The following TAFA1 variants were observed in gnomAD, a reference collection of about 807,000 sequenced individuals.
TAFA1 encodes TAFA chemokine like family member 1, also known as chemokine-like protein TAFA-1.
TAFA1 carries 4 observed loss-of-function variants against 18.5 expected under a neutral mutation model. The observed-to-expected ratio is 0.22, with a 90% CI of 0.11 to 0.49. TAFA1 has a LOEUF of 0.49. Among genes scored for constraint, TAFA1 ranks in the 20% least tolerant of loss-of-function variants. The pLI is 0.98. For synonymous variants in TAFA1, 56 were observed against 55.2 expected (o/e 1.01, Z -0.06); for missense variants, 147 against 169.0 (o/e 0.87, Z 0.72).
intron 3 of TAFA1, among the ~76,000 whole-genome samples, chr3:68,521,614 G>T (rs2073022244): frequency 6.6e-6 from 1 of 152,116 alleles, no homozygotes; most frequent in South Asian, 2.1e-4. Flanking sequence ...CAAGAAATTT[G>T]TACAGTATCA....
chr3:68,478,352 G>A (rs1341138684), intron 3 of TAFA1, among the ~76,000 whole-genome samples: 1 of 152,144 alleles, frequency 6.6e-6, no homozygotes, highest in Non-Finnish European at 1.5e-5. Context: ...AGATCTGGAA[G>A]ACTTTCAGCA....
At chr3:68,492,162 A>G (rs2072465990) in intron 3 of TAFA1, among the ~76,000 whole-genome samples, 1 of 152,168 alleles carries the variant, frequency 6.6e-6, no homozygotes. Flanking sequence ...CTATATGGAG[A>G]CTGGTCCTTG....
intron 2 of TAFA1, among the ~76,000 whole-genome samples, chr3:68,406,617 A>G (rs2070615343): frequency 6.6e-6 from 1 of 152,138 alleles, no homozygotes; most frequent in African/African-American, 2.4e-5. Flanking sequence ...ATTAATTTGG[A>G]ATGTATTGAA....
chr3:68,328,791 A>T (rs2068815188), intron 2 of TAFA1, among the ~76,000 whole-genome samples: 1 of 152,104 alleles, frequency 6.6e-6, no homozygotes. Flanking sequence ...TGCATCTCTG[A>T]AGAGCAGAAA....
chr3:68,217,860 A>G (rs1436855268), intron 2 of TAFA1, among the ~76,000 whole-genome samples: 2 of 151,986 alleles, frequency 1.3e-5, no homozygotes, highest in Non-Finnish European at 2.9e-5. Flanking sequence ...TTCACAGTAA[A>G]TTTATTTTTT....
intron 2 of TAFA1, among the ~76,000 whole-genome samples, chr3:68,089,749 G>A (rs1423643621): frequency 6.6e-6 from 1 of 152,150 alleles, no homozygotes; most frequent in Admixed American, 6.5e-5. Flanking sequence ...GGCACTCAGA[G>A]AGAATCCTTT....
intron 2 of TAFA1, among the ~76,000 whole-genome samples, chr3:68,294,293 T>TA (rs2068167186): frequency 6.6e-6 from 1 of 151,980 alleles, no homozygotes; most frequent in Non-Finnish European, 1.5e-5. Flanking sequence ...TTTTAAAAAG[T>TA]AAAAAAAAGT....
chr3:68,364,547 A>G (rs1384863649), intron 2 of TAFA1, among the ~76,000 whole-genome samples: 1 of 152,222 alleles, frequency 6.6e-6, no homozygotes, highest in Non-Finnish European at 1.5e-5. Context: ...CAAGGGGAAC[A>G]TTTCTAGAGG....
chr3:68,370,490 A>ATATG (rs2069680413), intron 2 of TAFA1, among the ~76,000 whole-genome samples: 1 of 92,998 alleles, frequency 1.1e-5, no homozygotes, highest in East Asian at 3.6e-4. Flanking sequence ...ATATATATAT[A>ATATG]TATATATATA....
chr3:68,404,783 C>T (rs1488844461), intron 2 of TAFA1, among the ~76,000 whole-genome samples: 2 of 148,176 alleles, frequency 1.3e-5, no homozygotes, highest in Non-Finnish European at 3.0e-5. Context: ...GGTGACAATG[C>T]GAGACTCTGC....
At chr3:68,116,447 C>T (rs1340137569) in intron 2 of TAFA1, among the ~76,000 whole-genome samples, 1 of 152,140 alleles carries the variant, frequency 6.6e-6, no homozygotes, top group Non-Finnish European at 1.5e-5. Context: ...ATTGAAGAAG[C>T]TAATTTATTT....
At chr3:68,289,483 T>G (rs2068072769) in intron 2 of TAFA1, among the ~76,000 whole-genome samples, 1 of 152,142 alleles carries the variant, frequency 6.6e-6, no homozygotes, top group South Asian at 2.1e-4. Context: ...TTGGTGTTAG[T>G]GTGAGAGTCA....
At chr3:68,272,523 C>G (rs1320032111) in intron 2 of TAFA1, among the ~76,000 whole-genome samples, 1 of 152,100 alleles carries the variant, frequency 6.6e-6, no homozygotes, top group Non-Finnish European at 1.5e-5. Context: ...ATAAATGGAA[C>G]ATAATGATTC....
chr3:68,174,435 A>G (rs2066098298), intron 2 of TAFA1, among the ~76,000 whole-genome samples: 1 of 152,084 alleles, frequency 6.6e-6, no homozygotes, highest in African/African-American at 2.4e-5. Flanking sequence ...CTTTGACAAA[A>G]ATGCTGATAG....
the TAFA1 span, among the ~76,000 whole-genome samples, chr3:67,997,819 C>T: frequency 7.6e-6 from 1 of 131,488 alleles, no homozygotes; most frequent in Non-Finnish European, 1.7e-5. Context: ...TTTTTTGTTT[C>T]ATGTAGTAAA....
chr3:68,069,107 C>T (rs1405042721), intron 2 of TAFA1, among the ~76,000 whole-genome samples: 2 of 152,150 alleles, frequency 1.3e-5, no homozygotes, highest in African/African-American at 4.8e-5. Flanking sequence ...TAAGACTGGA[C>T]TTTGGAAAAT....
intron 2 of TAFA1, among the ~76,000 whole-genome samples, chr3:68,085,335 A>T (rs1559514637): frequency 6.6e-6 from 1 of 152,224 alleles, no homozygotes. Context: ...CACTCATTAG[A>T]AACCCCTAAA....
At chr3:68,508,397 T>C (rs1032274524) in intron 3 of TAFA1, among the ~76,000 whole-genome samples, 5 of 152,148 alleles carry the variant, frequency 3.3e-5, no homozygotes, top group Admixed American at 1.3e-4. Context: ...CCTAAATCTT[T>C]TACAACAGTT....
intron 2 of TAFA1, among the ~76,000 whole-genome samples, chr3:68,263,988 G>C (rs770781276): frequency 6.6e-6 from 1 of 151,652 alleles, no homozygotes; most frequent in African/African-American, 2.4e-5. Context: ...TACTCATTTC[G>C]GTCAAAATAA....
Sources: gnomAD v4.1 joint callset for allele counts (sites outside exome capture counted in the v4.1 genomes callset) on GRCh38, gnomAD v4.1.1 for gene constraint, MANE v1.5 for transcripts, NCBI Gene and HGNC (gene_info 2026-07-23, HGNC 2026-07-21) for gene names.